Variants in ARID3B observed in about 807,000 individuals in gnomAD.
The protein encoded by ARID3B is AT-rich interaction domain 3B.
In ARID3B, 10 loss-of-function variants were observed where a neutral mutation model predicts 51.9. That is an observed-to-expected ratio of 0.19 (90% CI 0.12 to 0.33). The LOEUF is 0.33. ARID3B is among the 10% of genes least tolerant of loss of function. The pLI is 1.00. For missense variants in ARID3B, 483 were observed against 716.3 expected, an observed-to-expected ratio of 0.67 and a Z score of 3.72; for synonymous variants, 205 against 279.5, an observed-to-expected ratio of 0.73 and a Z score of 2.66.
chr15:74,593,334 TC>T, intron 8 of ARID3B, 98 bp downstream of exon 8: 1 of 1,088,828 alleles, frequency 9.2e-7, no homozygotes, highest in Non-Finnish European at 1.3e-6. Context: ...TCTGAACACC[TC>T]CCACAGTGGC....
At chr15:74,547,966 T>A (rs2061622107) in intron 2 of ARID3B, among the ~76,000 whole-genome samples, 1 of 152,218 alleles carries the variant, frequency 6.6e-6, no homozygotes, top group Non-Finnish European at 1.5e-5. Flanking sequence ...AAGTCAAAAT[T>A]ATTTCGTGGA....
At chr15:74,583,690 C>G (rs564023941) in intron 4 of ARID3B, among the ~76,000 whole-genome samples, 1 of 151,232 alleles carries the variant, frequency 6.6e-6, no homozygotes, top group African/African-American at 2.4e-5. Context: ...GCACTCCAAC[C>G]TGGGCAACAG....
rs77286092 is a variant in ARID3B at position 74,545,269 on chromosome 15, A to G, written c.552+781A>G. On this transcript the variant is annotated intron_variant, in intron 2 of 8. Transcript: ENST00000346246. ...CTGACAAGAAGCACTTGCATTGTAT[A>G]TATTTTCCAACAAAGAGCCTTGTAG... Among the ~76,000 whole-genome samples the G allele has an allele frequency of 2.8e-3, 430 of 152,364 alleles. 6 individuals carry two copies. The highest frequency in any genetic ancestry group is 0.01 in the African/African-American group (417 of 41,582).
chr15:74,589,549 C>G (rs2061795558), intron 4 of ARID3B, among the ~76,000 whole-genome samples: 1 of 152,172 alleles, frequency 6.6e-6, no homozygotes, highest in Admixed American at 6.5e-5. Flanking sequence ...AAAACAAGCA[C>G]CTTTGAAATC....
chr15:74,589,998 G>A lies in ARID3B; in HGVS notation c.876G>A (p.Arg292=). The part of the protein sequence containing the change: ...TSITSAAFTL[R]TQYMKYLYAY... ...TCACCAGCGCCGCCTTCACCCTCAG[G>A]ACGCAGTGAGTGGCCAGGGCCTGGG... Residue 292 remains arginine, a synonymous_variant, in exon 5 of 9, where the codon AGG becomes AGA. Transcript: ENST00000346246. 2.5e-6 allele frequency: 4 copies of A among 1,609,876 alleles called. No homozygotes were observed. The highest frequency in any genetic ancestry group is 3.4e-6 in the Non-Finnish European group (4 of 1,177,408).
At chr15:74,574,620 C>T (rs2061730661) in intron 4 of ARID3B, 1 of 152,160 alleles carries the variant, frequency 6.6e-6, no homozygotes, top group Non-Finnish European at 1.5e-5. Context: ...TGGTTTTCCC[C>T]AGTCTCTAAG....
chr15:74,580,295 T>C (rs1403562227), intron 4 of ARID3B, among the ~76,000 whole-genome samples: 1 of 152,222 alleles, frequency 6.6e-6, no homozygotes, highest in African/African-American at 2.4e-5. Context: ...GAAATACCAT[T>C]CCCTCATAGA....
intron 2 of ARID3B, among the ~76,000 whole-genome samples, chr15:74,568,501 T>C (rs1313306019): frequency 6.6e-6 from 1 of 152,226 alleles, no homozygotes; most frequent in African/African-American, 2.4e-5. Flanking sequence ...TTCCCATTTC[T>C]AAAATAACCA....
chr15:74,554,941 C>CT (rs2061651978), intron 2 of ARID3B, among the ~76,000 whole-genome samples: 1 of 151,398 alleles, frequency 6.6e-6, no homozygotes, highest in Non-Finnish European at 1.5e-5. Flanking sequence ...TTCATTATAC[C>CT]TAAAAAAAAA....
intron 2 of ARID3B, among the ~76,000 whole-genome samples, chr15:74,548,489 C>T (rs1430577038): frequency 6.6e-6 from 1 of 152,214 alleles, no homozygotes; most frequent in Non-Finnish European, 1.5e-5. Context: ...GTTGAAAGCA[C>T]TGGGAGCCAT....
chr15:74,561,234 C>T (rs2061678660), intron 2 of ARID3B, among the ~76,000 whole-genome samples: 1 of 152,090 alleles, frequency 6.6e-6, no homozygotes, highest in African/African-American at 2.4e-5. Context: ...ATTCTCTATT[C>T]TTAATACTTT....
intron 2 of ARID3B, among the ~76,000 whole-genome samples, chr15:74,555,496 A>G (rs1007499500): frequency 6.6e-6 from 1 of 152,006 alleles, no homozygotes; most frequent in African/African-American, 2.4e-5. Flanking sequence ...TGCCCAACTA[A>G]TTTTTAAAAA....
intron 8 of ARID3B, among the ~76,000 whole-genome samples, chr15:74,594,846 G>A (rs932195957): frequency 7.2e-5 from 11 of 152,328 alleles, no homozygotes; most frequent in African/African-American, 2.6e-4. Context: ...GGTGGGGCCT[G>A]GTGCCCTTTG....
At chr15:74,567,058 C>T (rs143763120) in intron 2 of ARID3B, among the ~76,000 whole-genome samples, 1 of 152,020 alleles carries the variant, frequency 6.6e-6, no homozygotes, top group Non-Finnish European at 1.5e-5. Flanking sequence ...CAGTCTAAAA[C>T]ATTGATTTAA....
chr15:74,584,404 ACAGT>A (rs1291479395), intron 4 of ARID3B, among the ~76,000 whole-genome samples: 3 of 152,196 alleles, frequency 2.0e-5, no homozygotes, highest in East Asian at 3.8e-4. Flanking sequence ...AGCTCTCTTG[ACAGT>A]CAGGCTATGG....
chr15:74,587,681 T>C (rs1242268943), intron 4 of ARID3B, among the ~76,000 whole-genome samples: 1 of 152,144 alleles, frequency 6.6e-6, no homozygotes, highest in African/African-American at 2.4e-5. Flanking sequence ...TTTGGGCAGA[T>C]AGGCCTCCAA....
Position 74,594,056 on chromosome 15 carries a change from A to C in ARID3B, c.1519+820A>C, listed in dbSNP as rs377118787. Among the ~76,000 whole-genome samples, 102 of 152,164 alleles carry C rather than the reference A, an allele frequency of 6.7e-4. 1 individual carries two copies. The highest frequency in any genetic ancestry group is 1.8e-3 in the African/African-American group (74 of 41,516). ...AGACCTTGTCTCAATTAAAAAAAAA[A>C]AAAACAAAACTTAATATTCATAAAA... On this transcript the variant is annotated intron_variant, in intron 8 of 8. Coordinates refer to ENST00000346246, the MANE Select transcript of ARID3B (RefSeq NM_006465.4).
intron 2 of ARID3B, among the ~76,000 whole-genome samples, chr15:74,557,619 A>G (rs922127921): frequency 6.6e-6 from 1 of 151,926 alleles, no homozygotes; most frequent in African/African-American, 2.4e-5. Flanking sequence ...CTAGCTTTTT[A>G]TTTAAAGTGA....
chr15:74,573,516 C>T lies in ARID3B; in HGVS notation c.697+312C>T. ...GCCTTTTTTAAGCCTTAAAGCTACCCTGGACTTCACTTAATCTAGCATGTG... is the reference window on the plus strand; with the variant it reads ...GCCTTTTTTAAGCCTTAAAGCTACCTTGGACTTCACTTAATCTAGCATGTG... On this transcript the variant is annotated intron_variant, in intron 4 of 8. Transcript: ENST00000346246. 5.4e-6 allele frequency: 2 copies of T among 371,784 alleles called. 1 individual carries two copies. Among genetic ancestry groups the T allele is most frequent in the Admixed American group, 8.6e-5 (2 of 23,336 alleles). 23.0% of individuals were successfully genotyped at this position (371,784 alleles called of 1,614,324 possible). A position where few individuals can be genotyped will look rare whatever the true frequency, so the allele number is the denominator to read the frequency against.
Sources: gnomAD v4.1 joint callset for allele counts (sites outside exome capture counted in the v4.1 genomes callset) on GRCh38, gnomAD v4.1.1 for gene constraint, MANE v1.5 for transcripts, NCBI Gene and HGNC (gene_info 2026-07-23, HGNC 2026-07-21) for gene names.